Variants in FOLH1 observed in about 807,000 individuals in gnomAD.
The protein encoded by FOLH1 is folate hydrolase 1.
A neutral mutation model predicts 93.9 loss-of-function variants in FOLH1; 54 were observed. That is an observed-to-expected ratio of 0.57 (90% CI 0.46 to 0.72). The LOEUF is 0.72. Among genes scored for constraint, FOLH1 ranks in the 30% least tolerant of loss-of-function variants. The pLI, the probability that FOLH1 is intolerant of heterozygous loss-of-function variation, is 0.00. For missense variants in FOLH1, 571 were observed against 892.5 expected, an observed-to-expected ratio of 0.64 and a Z score of 4.59; for synonymous variants, 249 against 303.6, an observed-to-expected ratio of 0.82 and a Z score of 1.87.
At chr11:49,206,963 G>T in intron 1 of FOLH1, 1 of 592,450 alleles carries the variant, frequency 1.7e-6, no homozygotes. Context: ...TCCCCAACCA[G>T]CTTTCATGGA....
chr11:49,152,665 T>C (rs1023537408), intron 17 of FOLH1, among the ~76,000 whole-genome samples: 14 of 152,160 alleles, frequency 9.2e-5, no homozygotes, highest in Non-Finnish European at 1.9e-4. Flanking sequence ...TTTCAAAAAA[T>C]ATTTTTATAA....
At chr11:49,207,623 C>T (rs1348326687) in intron 1 of FOLH1, 11 of 321,702 alleles carry the variant, frequency 3.4e-5, no homozygotes, top group Non-Finnish European at 1.2e-5. Context: ...ATATTATTTA[C>T]TATTACCAAT....
chr11:49,156,952 A>G, intron 14 of FOLH1, 145 bp from the exon 15 acceptor site: 1 of 1,392,580 alleles, frequency 7.2e-7, no homozygotes, highest in Non-Finnish European at 9.7e-7. Flanking sequence ...AAACATGAAA[A>G]GAATATTAAT....
chr11:49,154,401 T>C lies in FOLH1; in HGVS notation c.1715A>G (p.Tyr572Cys), dbSNP rs1409374155. The C allele has an allele frequency of 1.2e-6, 2 of 1,612,906 alleles. No individual in the cohort carries two copies. The highest frequency in any genetic ancestry group is 1.7e-6 in the Non-Finnish European group (2 of 1,179,244). ...TCGAACCTGGGCCACAGTGAGGTGA[T>C]ATTTAAACATTGGATCATAAAACTT... ...VEKFYDPMFKYHLTVAQVRGG... is the reference protein window; with the variant it reads ...VEKFYDPMFKCHLTVAQVRGG... The change falls in exon 16 of 19, where the codon TAT becomes TGT. Residue 572 changes from tyrosine to cysteine, a missense_variant. By Grantham distance (194) the Tyr-to-Cys change is radical. This residue lies in a region of FOLH1 where 500 missense variants were observed against 822.9 expected (regional missense o/e 0.61). Transcript: ENST00000256999.
chr11:49,184,063 A>C (rs1266810381), intron 6 of FOLH1, among the ~76,000 whole-genome samples: 1 of 152,202 alleles, frequency 6.6e-6, no homozygotes, highest in Non-Finnish European at 1.5e-5. Flanking sequence ...AAGAAAAATC[A>C]GAGTTGTTTT....
chr11:49,160,621 T>C (rs1857587098), intron 13 of FOLH1, among the ~76,000 whole-genome samples: 1 of 152,104 alleles, frequency 6.6e-6, no homozygotes. Flanking sequence ...TTTTTGTATT[T>C]TTAGTAGAGA....
At chr11:49,159,511 T>C (rs992238752) in intron 13 of FOLH1, among the ~76,000 whole-genome samples, 4 of 152,240 alleles carry the variant, frequency 2.6e-5, no homozygotes, top group Non-Finnish European at 4.4e-5. Context: ...AGCTTTCTAA[T>C]GTGCTGCTGG....
At chr11:49,194,705 G>A (rs1194982200) in intron 3 of FOLH1, among the ~76,000 whole-genome samples, 1 of 151,870 alleles carries the variant, frequency 6.6e-6, no homozygotes, top group Non-Finnish European at 1.5e-5. Context: ...AAAATCAGCT[G>A]TGTACCAATT....
At chr11:49,155,972 T>A (rs1311738899) in intron 15 of FOLH1, among the ~76,000 whole-genome samples, 1 of 151,554 alleles carries the variant, frequency 6.6e-6, no homozygotes, top group Admixed American at 6.6e-5. Flanking sequence ...AGAGACTTTA[T>A]GGGAGGTAAT....
intron 5 of FOLH1, among the ~76,000 whole-genome samples, chr11:49,186,389 C>T (rs1565190864): frequency 6.6e-6 from 1 of 152,080 alleles, no homozygotes; most frequent in Admixed American, 6.5e-5. Flanking sequence ...TCTTTGTAGG[C>T]CACAGCCATA....
chr11:49,160,397 T>C (rs1000896133), intron 13 of FOLH1, among the ~76,000 whole-genome samples: 1 of 152,020 alleles, frequency 6.6e-6, no homozygotes, highest in African/African-American at 2.4e-5. Context: ...TGTTCTCTAG[T>C]ATATTTAGTT....
intron 7 of FOLH1, among the ~76,000 whole-genome samples, chr11:49,180,122 G>C (rs1246669714): frequency 1.3e-5 from 2 of 151,896 alleles, no homozygotes; most frequent in Admixed American, 6.5e-5. Flanking sequence ...ACATCAATTT[G>C]GGCCCCGGCT....
chr11:49,182,516 C>T (rs1860883417), intron 7 of FOLH1, among the ~76,000 whole-genome samples: 1 of 142,890 alleles, frequency 7.0e-6, no homozygotes, highest in Non-Finnish European at 1.5e-5. Flanking sequence ...AAGTTGCTCT[C>T]ATAGTGTGTT....
intron 17 of FOLH1, among the ~76,000 whole-genome samples, chr11:49,152,085 T>A (rs1856564358): frequency 6.6e-6 from 1 of 152,176 alleles, no homozygotes; most frequent in South Asian, 2.1e-4. Context: ...TATTTTATTC[T>A]AAGTATCTTC....
chr11:49,160,169 T>C (rs536091501), intron 13 of FOLH1, among the ~76,000 whole-genome samples: 54 of 152,300 alleles, frequency 3.5e-4, no homozygotes, highest in Non-Finnish European at 6.8e-4. Context: ...TCAGTGAGAA[T>C]ATTCCCCCTT....
intron 2 of FOLH1, among the ~76,000 whole-genome samples, chr11:49,200,648 C>T (rs1168534481): frequency 1.3e-5 from 2 of 151,992 alleles, no homozygotes; most frequent in East Asian, 1.9e-4. Flanking sequence ...AGAGAAAAAT[C>T]GGAGAAACTG....
chr11:49,156,467 T>G (rs1199934239), intron 15 of FOLH1, among the ~76,000 whole-genome samples: 40 of 152,076 alleles, frequency 2.6e-4, no homozygotes, highest in Non-Finnish European at 1.6e-4. Flanking sequence ...AAAATATGTT[T>G]AAAGGAGTAC....
At chr11:49,194,672 TAAA>T (rs902972143) in intron 3 of FOLH1, among the ~76,000 whole-genome samples, 2 of 151,730 alleles carry the variant, frequency 1.3e-5, no homozygotes, top group Admixed American at 1.3e-4. Context: ...AAAGAATAAT[TAAA>T]AAGCGTAGCA....
intron 17 of FOLH1, among the ~76,000 whole-genome samples, chr11:49,150,981 A>G (rs1856451221): frequency 6.6e-6 from 1 of 152,142 alleles, no homozygotes; most frequent in Non-Finnish European, 1.5e-5. Flanking sequence ...GTGATTTTTA[A>G]TTTTCAGAGC....
Sources: allele counts gnomAD v4.1 joint callset (sites outside exome capture counted in the v4.1 genomes callset), GRCh38; gene constraint gnomAD v4.1.1; regional missense constraint gnomAD v4.1.1; transcripts MANE v1.5; gene names NCBI Gene and HGNC (gene_info 2026-07-23, HGNC 2026-07-21).